The following CPS1 variants were observed in gnomAD, a reference collection of about 807,000 sequenced individuals.
CPS1 encodes carbamoyl-phosphate synthase 1.
In CPS1, 109 loss-of-function variants were observed where a neutral mutation model predicts 174.6. The ratio of observed to expected loss-of-function variants is 0.62; its 90% confidence interval spans 0.53 to 0.73. The LOEUF (loss-of-function observed/expected upper bound fraction) is 0.73. Ranked by LOEUF, CPS1 falls within the 30% of genes least tolerant of loss-of-function variation. The pLI is 0.00. For synonymous variants in CPS1, 637 were observed against 632.0 expected (o/e 1.01, Z -0.12); for missense variants, 1,689 against 1,821.9 (o/e 0.93, Z 1.33).
chr2:210,575,524 A>ACG (rs1697669189), intron 2 of CPS1, among the ~76,000 whole-genome samples: 1 of 127,218 alleles, frequency 7.9e-6, no homozygotes, highest in Non-Finnish European at 1.7e-5. Flanking sequence ...ATGCACACAC[A>ACG]CACACACACA....
At chr2:210,506,990 A>G (rs1181087378) in intron 1 of CPS1, among the ~76,000 whole-genome samples, 1 of 152,220 alleles carries the variant, frequency 6.6e-6, no homozygotes, top group Admixed American at 6.5e-5. Context: ...TAATCTAGCA[A>G]GGCAGGCCAA....
intron 1 of CPS1, among the ~76,000 whole-genome samples, chr2:210,486,113 CAT>C (rs1285471163): frequency 1.6e-4 from 8 of 48,988 alleles, no homozygotes; most frequent in East Asian, 5.0e-4. Flanking sequence ...TACACACACA[CAT>C]ACACACACAC....
intron 27 of CPS1, among the ~76,000 whole-genome samples, chr2:210,650,129 T>C (rs146288806): frequency 1.1e-3 from 168 of 152,254 alleles, no homozygotes; most frequent in African/African-American, 3.8e-3. Flanking sequence ...CTTTGGGAAT[T>C]AATACAGGTT....
intron 1 of CPS1, among the ~76,000 whole-genome samples, chr2:210,534,186 C>T (rs1253160537): frequency 6.6e-6 from 1 of 152,180 alleles, no homozygotes; most frequent in Non-Finnish European, 1.5e-5. Flanking sequence ...GTTTCGATGG[C>T]AAAGAGACTG....
In CPS1 at chr2:210,601,236, A is replaced by G. The variant is rs1219096788; in HGVS notation, c.1707+524A>G. 1.3e-5 allele frequency among the ~76,000 whole-genome samples: 2 copies of G among 151,932 alleles called. 1 individual carries two copies. Among genetic ancestry groups the G allele is most frequent in the African/African-American group, 4.8e-5 (2 of 41,416 alleles). ...TTTCCATTGCCCCTTATGCCTATCA[A>G]TAAGCTATTAACAGTTACCAGGAAA... On this transcript the variant is annotated intron_variant, in intron 15 of 37. Transcript: ENST00000233072.
At chr2:210,562,744 T>G (rs987984374) in intron 1 of CPS1, among the ~76,000 whole-genome samples, 3 of 152,172 alleles carry the variant, frequency 2.0e-5, no homozygotes, top group Admixed American at 6.5e-5. Context: ...ATGTGGGGCC[T>G]CTACTTTTTC....
Position 210,600,680 on chromosome 2 carries a change from G to A in CPS1, c.1675G>A (p.Glu559Lys), listed in dbSNP as rs1698690868. Residue 559 changes from glutamate to lysine, a missense_variant, in exon 15 of 38, where the codon GAA becomes AAA. Coordinates refer to ENST00000233072, the MANE Select transcript of CPS1 (RefSeq NM_001875.5). Reference sequence around the variant, plus strand: ...TTCAGATAAACTAAATGAGATCAATGAAAAGATTGCTCCAAGTTTTGCAGT... The same window carrying A: ...TTCAGATAAACTAAATGAGATCAATAAAAAGATTGCTCCAAGTTTTGCAGT... The part of the protein sequence containing the change: ...LFSDKLNEIN[E>K]KIAPSFAVES... The A allele has an allele frequency of 1.2e-6, 2 of 1,612,084 alleles. No homozygotes were observed. The highest frequency in any genetic ancestry group is 1.7e-6 in the Non-Finnish European group (2 of 1,178,718).
At chr2:210,517,469 C>G (rs1255528911) in intron 1 of CPS1, among the ~76,000 whole-genome samples, 1 of 151,946 alleles carries the variant, frequency 6.6e-6, no homozygotes, top group Non-Finnish European at 1.5e-5. Flanking sequence ...TCACAGATAT[C>G]AACCAATAGA....
intron 34 of CPS1, chr2:210,674,484 C>CAAAAAAA (rs771522432): frequency 6.7e-5 from 5 of 74,794 alleles, no homozygotes; most frequent in East Asian, 2.6e-4. Context: ...AAAAAAAAAC[C>CAAAAAAA]AAAAAAAAAA....
chr2:210,654,501 C>T (rs1700649757), intron 29 of CPS1, among the ~76,000 whole-genome samples: 1 of 152,062 alleles, frequency 6.6e-6, no homozygotes, highest in Non-Finnish European at 1.5e-5. Context: ...ATTTCCCATC[C>T]TCCTCCCTTT....
intron 28 of CPS1, among the ~76,000 whole-genome samples, chr2:210,653,635 G>A (rs1463286937): frequency 6.6e-6 from 1 of 152,096 alleles, no homozygotes; most frequent in Non-Finnish European, 1.5e-5. Context: ...AGGGTAGAAA[G>A]AAAGAAATAT....
intron 1 of CPS1, among the ~76,000 whole-genome samples, chr2:210,565,339 G>A (rs1318358038): frequency 2.6e-5 from 4 of 151,878 alleles, no homozygotes; most frequent in African/African-American, 9.7e-5. Flanking sequence ...ATTTTTCACC[G>A]CTTATTTTAT....
chr2:210,570,690 T>A (rs1574536723), intron 1 of CPS1, among the ~76,000 whole-genome samples: 1 of 152,066 alleles, frequency 6.6e-6, no homozygotes, highest in African/African-American at 2.4e-5. Context: ...CTAAATTTTT[T>A]TCTTTTTCTT....
chr2:210,656,518 TGG>T lies in CPS1; in HGVS notation c.3559-6_3559-5del. ...TTCTAAAATCCTTTTTTTTTTTTTT[TGG>T]CCAGGTTATCTCTCATGCCATCTCT... On this transcript the variant is annotated splice_polypyrimidine_tract_variant and splice_region_variant and intron_variant, in intron 29 of 37. Transcript: ENST00000233072. The T allele has an allele frequency of 7.0e-7, 1 of 1,419,348 alleles. No homozygotes were observed. The highest frequency in any genetic ancestry group is 2.0e-5 in the Admixed American group (1 of 50,912). The allele number at this position is 1,419,348 out of a possible 1,614,324, so 87.9% of individuals were successfully genotyped here. A position where few individuals can be genotyped will look rare whatever the true frequency, so the allele number is the denominator to read the frequency against.
chr2:210,608,319 A>C (rs1316371704), intron 18 of CPS1, 42 bp from the exon 19 acceptor site: 1 of 1,591,758 alleles, frequency 6.3e-7, no homozygotes, highest in Admixed American at 1.7e-5. Flanking sequence ...GTTTTCAATA[A>C]TTGCTCGAAG....
intron 16 of CPS1, among the ~76,000 whole-genome samples, chr2:210,603,436 A>G (rs1346794735): frequency 2.0e-5 from 3 of 152,094 alleles, no homozygotes; most frequent in Non-Finnish European, 2.9e-5. Flanking sequence ...AAAGGGAAAC[A>G]TACCTCACAT....
chr2:210,647,542 T>C (rs1290949125), intron 25 of CPS1, among the ~76,000 whole-genome samples: 1 of 152,170 alleles, frequency 6.6e-6, no homozygotes, highest in African/African-American at 2.4e-5. Context: ...TTTCCAGCAG[T>C]AGTCCAGGAA....
At chr2:210,604,349 A>C (rs934856595) in intron 16 of CPS1, among the ~76,000 whole-genome samples, 1 of 151,932 alleles carries the variant, frequency 6.6e-6, no homozygotes, top group African/African-American at 2.4e-5. Context: ...ATTATAAGAC[A>C]ATAAGACATT....
chr2:210,535,346 A>G (rs1353875690), intron 1 of CPS1, among the ~76,000 whole-genome samples: 4 of 152,138 alleles, frequency 2.6e-5, no homozygotes, highest in Non-Finnish European at 5.9e-5. Flanking sequence ...AATAGGCTCA[A>G]TCTCTCTTAC....
Sources: gnomAD v4.1 joint callset for allele counts (sites outside exome capture counted in the v4.1 genomes callset) on GRCh38, gnomAD v4.1.1 for gene constraint, MANE v1.5 for transcripts, NCBI Gene and HGNC (gene_info 2026-07-23, HGNC 2026-07-21) for gene names.